The following SIAH3 variants were observed in gnomAD, a reference collection of about 807,000 sequenced individuals.
SIAH3 encodes seven in absentia homolog 3.
Under a neutral mutation model 12.6 loss-of-function variants are expected in SIAH3, and 9 were observed. The observed-to-expected ratio is 0.72, with a 90% CI of 0.43 to 1.25. The LOEUF is 1.25. SIAH3 is among the 50% of genes most tolerant of loss of function. The pLI is 0.00. For missense variants in SIAH3, 390 were observed against 365.4 expected (o/e 1.07, Z -0.55); for synonymous variants, 154 against 151.1 (o/e 1.02, Z -0.14).
chr13:45,809,454 A>G (rs74071688), intron 1 of SIAH3, among the ~76,000 whole-genome samples: 1,689 of 152,360 alleles, frequency 0.011, 34 homozygotes, highest in African/African-American at 0.038. Context: ...TTGCCAGGGC[A>G]GAATTGTCTG....
Position 45,849,162 on chromosome 13 carries a change from G to A in SIAH3, c.135+2333C>T, listed in dbSNP as rs146528170. Among the ~76,000 whole-genome samples, 665 of 152,258 alleles carry A rather than the reference G, an allele frequency of 4.4e-3. 9 individuals are homozygous for A. Among genetic ancestry groups the A allele is most frequent in the African/African-American group, 0.015 (641 of 41,556 alleles). The stretch of plus-strand genomic sequence containing the variant: ...GACCCTCCAGGTCTCTCCCTACCTG[G>A]CGCCCTCTCCAAATCCTGTGTGCCT... On this transcript the variant is annotated intron_variant, in intron 1 of 1. Coordinates refer to ENST00000400405, the MANE Select transcript of SIAH3 (RefSeq NM_198849.3).
chr13:45,837,768 G>A (rs1047988284), intron 1 of SIAH3, among the ~76,000 whole-genome samples: 2 of 152,178 alleles, frequency 1.3e-5, no homozygotes, highest in East Asian at 1.9e-4. Flanking sequence ...TACAGGCAAG[G>A]TAAACGAAGC....
At chr13:45,824,826 C>T (rs190393077) in intron 1 of SIAH3, among the ~76,000 whole-genome samples, 5 of 150,838 alleles carry the variant, frequency 3.3e-5, no homozygotes, top group East Asian at 3.9e-4. Context: ...ACAAAAACCA[C>T]GAGATTGCGC....
chr13:45,815,079 C>T (rs979234598), intron 1 of SIAH3, among the ~76,000 whole-genome samples: 2 of 148,432 alleles, frequency 1.3e-5, no homozygotes, highest in African/African-American at 5.2e-5. Flanking sequence ...CCTAATAGAC[C>T]TTCATTTTTT....
chr13:45,806,323 C>T (rs115121134), intron 1 of SIAH3, among the ~76,000 whole-genome samples: 2 of 152,138 alleles, frequency 1.3e-5, no homozygotes, highest in Non-Finnish European at 2.9e-5. Flanking sequence ...ACCCAGGTCC[C>T]CATCAATGGT....
intron 1 of SIAH3, among the ~76,000 whole-genome samples, chr13:45,797,190 C>T (rs750690638): frequency 6.6e-6 from 1 of 150,670 alleles, no homozygotes; most frequent in East Asian, 1.9e-4. Flanking sequence ...TACATTTCAA[C>T]GTTGGTCCTA....
intron 1 of SIAH3, among the ~76,000 whole-genome samples, chr13:45,816,038 G>T (rs1300845408): frequency 6.6e-6 from 1 of 152,338 alleles, no homozygotes; most frequent in Non-Finnish European, 1.5e-5. Flanking sequence ...CTAGAGGTGA[G>T]GAAACCGAGG....
chr13:45,816,781 T>C (rs1349280632), intron 1 of SIAH3, among the ~76,000 whole-genome samples: 1 of 152,158 alleles, frequency 6.6e-6, no homozygotes, highest in Non-Finnish European at 1.5e-5. Context: ...ATGATGACCA[T>C]GGGGAGAAAC....
At chr13:45,823,986 G>A (rs186972210) in intron 1 of SIAH3, among the ~76,000 whole-genome samples, 99 of 152,314 alleles carry the variant, frequency 6.5e-4, no homozygotes, top group African/African-American at 2.2e-3. Context: ...TGGGTATATT[G>A]AGTGATGTTG....
intron 1 of SIAH3, among the ~76,000 whole-genome samples, chr13:45,828,313 T>C (rs891218240): frequency 2.0e-5 from 3 of 152,194 alleles, no homozygotes; most frequent in Non-Finnish European, 4.4e-5. Context: ...CATTTAGAGA[T>C]GAACTAGCTA....
intron 1 of SIAH3, among the ~76,000 whole-genome samples, chr13:45,819,900 T>C (rs1328746812): frequency 6.6e-6 from 1 of 152,208 alleles, no homozygotes; most frequent in Non-Finnish European, 1.5e-5. Context: ...AAGGGGTTCC[T>C]CACAGTTCTG....
intron 1 of SIAH3, among the ~76,000 whole-genome samples, chr13:45,803,571 C>A (rs1950589522): frequency 1.3e-5 from 2 of 152,028 alleles, no homozygotes; most frequent in South Asian, 2.1e-4. Flanking sequence ...GGCAAAGGAC[C>A]ATTTATAGGG....
rs1022663976 is a variant in SIAH3 at position 45,778,854 on chromosome 13, T to C, written c.*4529A>G. The C allele has an allele frequency of 2.0e-5, 3 of 152,298 alleles. No homozygotes were observed. The highest frequency in any genetic ancestry group is 6.5e-5 in the Admixed American group (1 of 15,292). The allele number at this position is 152,298 out of a possible 1,614,324, so 9.4% of individuals were successfully genotyped here. A position where few individuals can be genotyped will look rare whatever the true frequency, so the allele number is the denominator to read the frequency against. On this transcript the variant is annotated 3_prime_UTR_variant, in exon 2 of 2. Coordinates refer to ENST00000400405, the MANE Select transcript of SIAH3 (RefSeq NM_198849.3). ...TACTCTAGAGATTATTTAAAGTATA[T>C]GGGAGGATTGCGTAGGTTATATACA...
Position 45,851,489 on chromosome 13 carries a change from A to G in SIAH3, c.135+6T>C. The stretch of plus-strand genomic sequence containing the variant: ...CCGGTGAAGGTAAAATGACACAGAG[A>G]CTCACCTTTAGGTTGTGTGTGGGGT... On this transcript the variant is annotated splice_donor_region_variant and intron_variant, in intron 1 of 1. Coordinates refer to ENST00000400405, the MANE Select transcript of SIAH3 (RefSeq NM_198849.3). The G allele has an allele frequency of 6.2e-7, 1 of 1,613,684 alleles. No individual in the cohort carries two copies.
At chr13:45,820,663 T>C (rs951066014) in intron 1 of SIAH3, among the ~76,000 whole-genome samples, 18 of 152,102 alleles carry the variant, frequency 1.2e-4, no homozygotes, top group Admixed American at 5.2e-4. Context: ...GCCCTCCTTT[T>C]CCACCAGCCT....
intron 1 of SIAH3, among the ~76,000 whole-genome samples, chr13:45,812,629 T>G (rs1437943559): frequency 6.6e-6 from 1 of 152,146 alleles, no homozygotes; most frequent in African/African-American, 2.4e-5. Flanking sequence ...ATGCTATGCT[T>G]TCCTGTGATG....
chr13:45,832,066 G>A (rs1223834254), intron 1 of SIAH3, among the ~76,000 whole-genome samples: 2 of 152,202 alleles, frequency 1.3e-5, no homozygotes, highest in African/African-American at 4.8e-5. Flanking sequence ...GAAGTGCCTA[G>A]GGAGGAGGGA....
At chr13:45,842,637 C>G (rs945589725) in intron 1 of SIAH3, among the ~76,000 whole-genome samples, 2 of 152,150 alleles carry the variant, frequency 1.3e-5, no homozygotes, top group Non-Finnish European at 2.9e-5. Context: ...CGTGAACCAC[C>G]GTGCCTGGCC....
chr13:45,840,265 A>C (rs1048151159), intron 1 of SIAH3, among the ~76,000 whole-genome samples: 39 of 152,222 alleles, frequency 2.6e-4, no homozygotes, highest in Admixed American at 5.2e-4. Flanking sequence ...CCAAAAAAAA[A>C]CCCACGAGAA....
Sources: allele counts gnomAD v4.1 joint callset (sites outside exome capture counted in the v4.1 genomes callset), GRCh38; gene constraint gnomAD v4.1.1; transcripts MANE v1.5; gene names NCBI Gene and HGNC (gene_info 2026-07-23, HGNC 2026-07-21).